MYLK: variants seen among roughly 807,000 people sequenced by gnomAD.
The protein encoded by MYLK is myosin light chain kinase.
In MYLK, 106 loss-of-function variants were observed where a neutral mutation model predicts 203.4. The ratio of observed to expected loss-of-function variants is 0.52; its 90% CI spans 0.45 to 0.61. The LOEUF (loss-of-function observed/expected upper bound fraction) is 0.61. Ranked by LOEUF, MYLK falls within the 20% of genes least tolerant of loss-of-function variation. The pLI, the probability that MYLK is intolerant of heterozygous loss-of-function variation, is 0.00. For missense variants in MYLK, 2,072 were observed against 2,442.3 expected, an observed-to-expected ratio of 0.85 and a Z score of 3.20; for synonymous variants, 867 against 959.5, an observed-to-expected ratio of 0.90 and a Z score of 1.78.
chr3:123,688,252 C>T (rs756139815), intron 19 of MYLK, among the ~76,000 whole-genome samples: 3 of 152,112 alleles, frequency 2.0e-5, no homozygotes, highest in Non-Finnish European at 4.4e-5. Context: ...CCAGGTTCAC[C>T]TAAACACCTG....
intron 4 of MYLK, among the ~76,000 whole-genome samples, chr3:123,763,475 A>T (rs1192266882): frequency 1.3e-5 from 2 of 152,234 alleles, no homozygotes; most frequent in Non-Finnish European, 2.9e-5. Context: ...GAAAGTTAAA[A>T]TTTTTAGATC....
chr3:123,709,134 ATTTT>A (rs1161776768), intron 14 of MYLK: 502 of 171,444 alleles, frequency 2.9e-3, no homozygotes, highest in South Asian at 6.9e-3. Context: ...TTCTCACATA[ATTTT>A]TTTTTTTTTT....
chr3:123,866,153 C>T (rs1197858698), intron 2 of MYLK, among the ~76,000 whole-genome samples: 1 of 152,172 alleles, frequency 6.6e-6, no homozygotes, highest in Non-Finnish European at 1.5e-5. Flanking sequence ...TCCTGACCCA[C>T]AGAACCCCAG....
intron 3 of MYLK, among the ~76,000 whole-genome samples, chr3:123,796,359 C>T (rs1425172097): frequency 3.9e-5 from 6 of 152,062 alleles, no homozygotes; most frequent in East Asian, 3.9e-4. Flanking sequence ...AAGCACCTGG[C>T]GCCAGAGCTG....
At position 123,663,414 on chromosome 3, in the gene MYLK, C is replaced by T. The variant is rs180987670; in HGVS notation, c.3985+691G>A. On this transcript the variant is annotated intron_variant, in intron 23 of 33. Transcript: ENST00000360304. ...GACTAATGGGGCGTGGGGGTGAGGC[C>T]ATAGGCAGCTGGAGGGTGCTGGGGG... 1.2e-3 allele frequency among the ~76,000 whole-genome samples: 176 copies of T among 152,118 alleles called. 5 individuals are homozygous for T. The highest frequency in any genetic ancestry group is 2.3e-3 in the East Asian group (12 of 5,176).
intron 31 of MYLK, chr3:123,621,498 C>G (rs2057856615): frequency 6.6e-6 from 1 of 152,196 alleles, no homozygotes; most frequent in African/African-American, 2.4e-5. Flanking sequence ...TTCACATGCT[C>G]AAGTACTTCA....
chr3:123,670,034 CAAAAAA>C (rs57445681), intron 20 of MYLK, among the ~76,000 whole-genome samples: 2 of 37,064 alleles, frequency 5.4e-5, no homozygotes, highest in South Asian at 1.8e-3. Flanking sequence ...GACTCCATCT[CAAAAAA>C]AAAAAAAAAA....
chr3:123,819,006 A>G (rs1487686167), intron 3 of MYLK, among the ~76,000 whole-genome samples: 1 of 152,180 alleles, frequency 6.6e-6, no homozygotes, highest in East Asian at 1.9e-4. Context: ...CAACAACAGT[A>G]CCACCCTGGG....
chr3:123,821,595 G>C (rs1036480197), intron 3 of MYLK, among the ~76,000 whole-genome samples: 1 of 152,164 alleles, frequency 6.6e-6, no homozygotes, highest in Non-Finnish European at 1.5e-5. Flanking sequence ...CCCGCACCCA[G>C]GGTCTCCTTT....
chr3:123,735,850 A>G (rs2062656646), intron 8 of MYLK: 1 of 171,922 alleles, frequency 5.8e-6, no homozygotes, highest in Non-Finnish European at 1.3e-5. Flanking sequence ...AAATTTTATC[A>G]TGGTAAACTT....
chr3:123,733,854 G>A lies in MYLK; in HGVS notation c.1142C>T (p.Thr381Ile). ...CAGGCCAGGCTGCCTGGTGGGGAAG[G>A]TGGCTGGACGGGGAGGAGCTGGCCT... is the stretch of plus-strand genomic sequence containing the variant. ...RKRPAPPRPA[T>I]FPTRQPGLGS... is the part of the protein sequence containing the mutation. The change falls in exon 10 of 34, where the codon ACC (threonine) becomes ATC (isoleucine). Residue 381 changes from threonine (T) to isoleucine (I), a missense_variant. Around this residue, in one of 3 missense-constraint regions of MYLK, gnomAD observed 683 missense variants for 643.8 expected, o/e 1.06. Transcript: ENST00000360304. 1 of 1,614,128 alleles carries A rather than the reference G, an allele frequency of 6.2e-7. No individual in the cohort carries two copies. Among genetic ancestry groups the A allele is most frequent in the Non-Finnish European group, 8.5e-7 (1 of 1,180,054 alleles).
At chr3:123,780,195 C>T (rs554503313) in intron 4 of MYLK, among the ~76,000 whole-genome samples, 46 of 152,198 alleles carry the variant, frequency 3.0e-4, no homozygotes, top group Admixed American at 9.2e-4. Context: ...GCACTTCGGG[C>T]GGCCTAGGTG....
Position 123,823,080 on chromosome 3 carries a change from G to A in MYLK, c.-4+8468C>T, listed in dbSNP as rs79634680. 3.1e-3 allele frequency among the ~76,000 whole-genome samples: 469 copies of A among 152,306 alleles called. 2 individuals are homozygous for A. The highest frequency in any genetic ancestry group is 0.011 in the African/African-American group (452 of 41,560). The stretch of plus-strand genomic sequence containing the variant: ...TAATGGGTTTAAACACCTCGTGGCT[G>A]CACTAACACATTAACATAGTTAATC... On this transcript the variant is annotated intron_variant, in intron 3 of 33. Coordinates refer to ENST00000360304, the MANE Select transcript of MYLK (RefSeq NM_053025.4).
intron 4 of MYLK, among the ~76,000 whole-genome samples, chr3:123,787,473 C>CGTG (rs1314275906): frequency 1.3e-5 from 2 of 152,128 alleles, no homozygotes; most frequent in African/African-American, 2.4e-5. Flanking sequence ...ACTTCACCAC[C>CGTG]GTGGTTCTCC....
chr3:123,831,453 C>T, intron 3 of MYLK, 95 bp downstream of exon 3: 2 of 1,288,468 alleles, frequency 1.6e-6, no homozygotes, highest in Non-Finnish European at 2.0e-6. Context: ...CTCTTCTGGG[C>T]ACCTAGAAAG....
intron 2 of MYLK, among the ~76,000 whole-genome samples, chr3:123,847,354 A>C (rs2030146999): frequency 2.0e-5 from 3 of 152,118 alleles, no homozygotes. Flanking sequence ...AGAAAATCTT[A>C]TTGGTATGCA....
intron 33 of MYLK, among the ~76,000 whole-genome samples, chr3:123,614,833 G>A (rs1016959336): frequency 2.0e-5 from 3 of 151,776 alleles, no homozygotes; most frequent in Admixed American, 2.0e-4. Flanking sequence ...GGGGGGCAGG[G>A]TCTCATTCTA....
At chr3:123,682,990 C>T (rs555529863) in intron 19 of MYLK, among the ~76,000 whole-genome samples, 3 of 152,218 alleles carry the variant, frequency 2.0e-5, no homozygotes, top group Non-Finnish European at 4.4e-5. Flanking sequence ...CTGTTCCACA[C>T]TCCCTCTGCC....
intron 4 of MYLK, among the ~76,000 whole-genome samples, chr3:123,757,920 T>C (rs2063409600): frequency 6.6e-6 from 1 of 152,174 alleles, no homozygotes; most frequent in African/African-American, 2.4e-5. Context: ...AGAAGAGGAC[T>C]GGTGATTAAA....
Sources: gnomAD v4.1 joint callset for allele counts (sites outside exome capture counted in the v4.1 genomes callset) on GRCh38, gnomAD v4.1.1 for gene constraint, gnomAD v4.1.1 regional missense constraint, MANE v1.5 for transcripts, NCBI Gene and HGNC (gene_info 2026-07-23, HGNC 2026-07-21) for gene names.